Variants in LRRC3 observed in about 807,000 individuals in gnomAD.
The protein encoded by LRRC3 is leucine-rich repeat-containing protein 3.
For missense variants in LRRC3, 351 were observed against 361.6 expected (o/e 0.97, Z 0.24); for synonymous variants, 172 against 164.1 (o/e 1.05, Z -0.37).
intron 1 of LRRC3, 45 bp from the exon 2 acceptor site, chr21:44,456,453 C>T (rs1366432545): frequency 1.6e-6 from 1 of 634,478 alleles, no homozygotes; most frequent in Non-Finnish European, 2.7e-6. Context: ...GCAGTGCTGA[C>T]CACCCTCCCT....
At position 44,457,120 on chromosome 21, in the gene LRRC3, A is replaced by C. The variant is rs1158203515; in HGVS notation, c.476A>C (p.Glu159Ala). Reference protein sequence around the residue: ...CECALQEALWELKLDPDSVDE... With the variant: ...CECALQEALWALKLDPDSVDE... ...TGCGCCCTGCAGGAGGCCCTGTGGG[A>C]GCTGAAGCTGGACCCCGACTCTGTG... Residue 159 changes from glutamate (E) to alanine (A), a missense_variant, in exon 2 of 2, where the codon GAG becomes GCG. Glu to Ala is a moderately radical substitution (Grantham distance 107). Transcript: ENST00000291592. 6.2e-7 allele frequency: 1 copy of C among 1,612,264 alleles called. No homozygotes were observed. The highest frequency in any genetic ancestry group is 8.5e-7 in the Non-Finnish European group (1 of 1,180,016).
Position 44,457,275 on chromosome 21 carries a change from A to G in LRRC3, c.631A>G (p.Met211Val). Reference protein sequence around the residue: ...RTTDVAMLVTMFGWFAMVIAY... With the variant: ...RTTDVAMLVTVFGWFAMVIAY... ...CACAGACGTGGCCATGCTGGTCACC[A>G]TGTTCGGCTGGTTCGCCATGGTGAT... is the stretch of plus-strand genomic sequence containing the variant. Residue 211 changes from methionine (M) to valine (V), a missense_variant, in exon 2 of 2, where the codon ATG becomes GTG. Met to Val is a conservative substitution (Grantham distance 21). Transcript: ENST00000291592. The G allele has an allele frequency of 6.2e-7, 1 of 1,613,856 alleles. No homozygotes were observed. Among genetic ancestry groups the G allele is most frequent in the Non-Finnish European group, 8.5e-7 (1 of 1,180,012 alleles).
Position 44,457,692 on chromosome 21 carries a change from G to T in LRRC3, c.*274G>T. The T allele has an allele frequency of 2.1e-6, 1 of 478,320 alleles. No homozygotes were observed. The highest frequency in any genetic ancestry group is 3.8e-6 in the Non-Finnish European group (1 of 259,862). 29.6% of individuals were successfully genotyped at this position (478,320 alleles called of 1,614,324 possible). A position where few individuals can be genotyped will look rare whatever the true frequency, so the allele number is the denominator to read the frequency against. On this transcript the variant is annotated 3_prime_UTR_variant, in exon 2 of 2. Coordinates refer to ENST00000291592, the MANE Select transcript of LRRC3 (RefSeq NM_030891.6). ...AACTTCAACCCGGGCTGTCCATCGT[G>T]ACATTCCGCCTCCTTCCACCATGCC...
rs764999658 is a variant in LRRC3, at chr21:44,457,403, C to T, written c.759C>T (p.Ile253=). 77 of 1,587,716 alleles carry T rather than the reference C, an allele frequency of 4.8e-5. No homozygotes were observed. The highest frequency in any genetic ancestry group is 1.7e-4 in the Middle Eastern group (1 of 5,904). ...GCGCCCCCGCCTCCAAGGACCCCAT[C>T]GGCCCGGGGCCCTAGCGCCTGTTCC... The part of the protein sequence containing the change: ...LPSAPASKDP[I]GPGP Residue 253 remains isoleucine (I), a synonymous_variant, in exon 2 of 2, where the codon ATC becomes ATT. Transcript: ENST00000291592.
intron 1 of LRRC3, 58 bp from the exon 2 acceptor site, chr21:44,456,440 C>T: frequency 1.7e-6 from 1 of 590,886 alleles, no homozygotes; most frequent in Non-Finnish European, 3.0e-6. Flanking sequence ...GTGACCGCAG[C>T]CGGCAGTGCT....
In LRRC3 at chr21:44,456,596, C is replaced by T. The variant is rs555901265; in HGVS notation, c.-49C>T. 18 of 1,525,324 alleles carry T rather than the reference C, an allele frequency of 1.2e-5. No individual in the cohort carries two copies. The African/African-American group carries it at 1.8e-4, about 15-fold the overall frequency. 94.5% of individuals were successfully genotyped at this position (1,525,324 alleles called of 1,614,324 possible). Reference sequence around the variant, plus strand: ...TTGCCTGCGGAAACCAGCTCCATCCCCAGGCCCTAGCAGAGGCTCGCGTGT... The same window carrying T: ...TTGCCTGCGGAAACCAGCTCCATCCTCAGGCCCTAGCAGAGGCTCGCGTGT... On this transcript the variant is annotated 5_prime_UTR_variant, in exon 2 of 2. Coordinates refer to ENST00000291592, the MANE Select transcript of LRRC3 (RefSeq NM_030891.6).
rs761007262 is a variant in LRRC3, at chr21:44,456,757, G to A, written c.113G>A (p.Arg38Gln). The A allele has an allele frequency of 5.0e-6, 8 of 1,610,194 alleles. No individual in the cohort carries two copies. The highest frequency in any genetic ancestry group is 3.3e-5 in the South Asian group (3 of 91,076). ...HLGAACPQPCRCPDHAGAVAV... is the reference protein window; with the variant it reads ...HLGAACPQPCQCPDHAGAVAV... ...GGCGCCGCCTGCCCACAGCCCTGCC[G>A]GTGCCCTGACCACGCAGGGGCTGTG... Residue 38 changes from arginine to glutamine, a missense_variant, in exon 2 of 2, where the codon CGG becomes CAG. By Grantham distance (43) the Arg-to-Gln change is conservative (BLOSUM62 1). Coordinates refer to ENST00000291592, the MANE Select transcript of LRRC3 (RefSeq NM_030891.6).
Position 44,457,379 on chromosome 21 carries a change from C to T in LRRC3, c.735C>T (p.Ser245=), listed in dbSNP as rs181195002. 1.5e-5 allele frequency: 24 copies of T among 1,601,802 alleles called. No individual in the cohort carries two copies. Among genetic ancestry groups the T allele is most frequent in the African/African-American group, 6.7e-5 (5 of 74,892 alleles). ...RHLEYLKSLP[S]APASKDPIGP... is the part of the protein sequence containing the mutation. ...TGGAGTACCTGAAGTCTCTGCCCAG[C>T]GCCCCCGCCTCCAAGGACCCCATCG... The change falls in exon 2 of 2, where the codon AGC becomes AGT. Residue 245 remains serine (S), a synonymous_variant. Transcript: ENST00000291592.
rs781333881 is a variant in LRRC3 at position 44,456,707 on chromosome 21, C to T, written c.63C>T (p.Leu21=). The T allele has an allele frequency of 1.2e-6, 2 of 1,609,688 alleles. No homozygotes were observed. Among genetic ancestry groups the T allele is most frequent in the Admixed American group, 1.7e-5 (1 of 59,984 alleles). ...TGGTCTCCACCCGGGAGTCTTGTCT[C>T]TTCCTCCTCTTCTGCCTGCACCTGG... ...LLLVSTRESC[L]FLLFCLHLGA... Residue 21 remains leucine (L), a synonymous_variant, in exon 2 of 2, where the codon CTC becomes CTT. Transcript: ENST00000291592.
rs1601288578 is a variant in LRRC3, at chr21:44,456,897, C to T, written c.253C>T (p.Gln85Ter). 7 of 1,610,786 alleles carry T rather than the reference C, an allele frequency of 4.3e-6. No individual in the cohort carries two copies. In the East Asian group the frequency reaches 1.6e-4, roughly 36 times the overall value. The change falls in exon 2 of 2, where the codon CAG becomes TAG. Residue 85 changes from glutamine to a stop codon, truncating the protein, a stop_gained. Transcript: ENST00000291592. LOFTEE classifies it low-confidence loss of function (END_TRUNC). ...CTCCCACCTCCCGGACGGGGCCTTC[C>T]AGCACCTGCACCGGCTCAGGGAGCT... ...KISHLPDGAF[Q>*]HLHRLRELDL... is the part of the protein sequence containing the mutation.
chr21:44,456,211 T>A (rs1327483820), intron 1 of LRRC3, among the ~76,000 whole-genome samples: 1 of 152,084 alleles, frequency 6.6e-6, no homozygotes, highest in Non-Finnish European at 1.5e-5. Flanking sequence ...TCCCCAGCGG[T>A]GCTGTAGGTG....
Position 44,456,780 on chromosome 21 carries a change from G to T in LRRC3, c.136G>T (p.Val46Leu), listed in dbSNP as rs1185084339. ...CCGGTGCCCTGACCACGCAGGGGCT[G>T]TGGCTGTCTTCTGCAGCTTGCGGGG... Reference protein sequence around the residue: ...PCRCPDHAGAVAVFCSLRGLQ... With the variant: ...PCRCPDHAGALAVFCSLRGLQ... The change falls in exon 2 of 2, where the codon GTG (valine) becomes TTG (leucine). Residue 46 changes from valine (V) to leucine (L), a missense_variant. Val to Leu is a conservative substitution (Grantham distance 32). Transcript: ENST00000291592. 6.2e-7 allele frequency: 1 copy of T among 1,611,248 alleles called. No homozygotes were observed. The highest frequency in any genetic ancestry group is 2.2e-5 in the East Asian group (1 of 44,866).
Position 44,458,045 on chromosome 21 carries a change from G to A in LRRC3, c.*627G>A, listed in dbSNP as rs1296249129. 6.0e-6 allele frequency: 1 copy of A among 167,220 alleles called. No individual in the cohort carries two copies. Among genetic ancestry groups the A allele is most frequent in the Non-Finnish European group, 1.5e-5 (1 of 68,232 alleles). 10.4% of individuals were successfully genotyped at this position (167,220 alleles called of 1,614,324 possible). A position where few individuals can be genotyped will look rare whatever the true frequency, so the allele number is the denominator to read the frequency against. The stretch of plus-strand genomic sequence containing the variant: ...GTCCTACCCTTTTTTATTCTCAAAT[G>A]TTTGTTTTGAGTAACCGTAGTGCCA... On this transcript the variant is annotated 3_prime_UTR_variant, in exon 2 of 2. Transcript: ENST00000291592.
At chr21:44,456,161 G>A (rs1409548954) in intron 1 of LRRC3, among the ~76,000 whole-genome samples, 1 of 152,042 alleles carries the variant, frequency 6.6e-6, no homozygotes, top group South Asian at 2.1e-4. Context: ...GGAGGGGCTG[G>A]GTGGTCCAAG....
Position 44,456,945 on chromosome 21 carries a change from G to A in LRRC3, c.301G>A (p.Glu101Lys), listed in dbSNP as rs759205816. The A allele has an allele frequency of 1.8e-5, 29 of 1,609,252 alleles. No homozygotes were observed. The highest frequency in any genetic ancestry group is 1.6e-4 in the Middle Eastern group (1 of 6,080). The change falls in exon 2 of 2, where the codon GAG becomes AAG. Residue 101 changes from glutamate to lysine, a missense_variant. Physicochemically the swap from Glu to Lys is moderately conservative, Grantham distance 56. Transcript: ENST00000291592. Reference sequence around the variant, plus strand: ...GCTGGATCTGTCTCACAACGCCATCGAGGCCATCGGCTCCGCCACCTTCGC... The same window carrying A: ...GCTGGATCTGTCTCACAACGCCATCAAGGCCATCGGCTCCGCCACCTTCGC... ...RELDLSHNAI[E>K]AIGSATFAGL... is the part of the protein sequence containing the mutation.
rs750515290 is a variant in LRRC3 at position 44,457,091 on chromosome 21, C to T, written c.447C>T (p.Cys149=). 22 of 1,610,490 alleles carry T rather than the reference C, an allele frequency of 1.4e-5. No individual in the cohort carries two copies. The East Asian group carries it at 2.5e-4, about 18-fold the overall frequency. ...GCCTGTCCCACAACCCCCTGCACTG[C>T]GAGTGCGCCCTGCAGGAGGCCCTGT... ...KIRLSHNPLH[C]ECALQEALWE... The change falls in exon 2 of 2, where the codon TGC becomes TGT. Residue 149 remains cysteine, a synonymous_variant. Coordinates refer to ENST00000291592, the MANE Select transcript of LRRC3 (RefSeq NM_030891.6).
Position 44,455,860 on chromosome 21 carries a change from G to C in LRRC3, c.-148+205G>C, listed in dbSNP as rs561361617. Among the ~76,000 whole-genome samples the C allele has an allele frequency of 5.0e-3, 766 of 152,128 alleles. 6 individuals are homozygous for C. Among genetic ancestry groups the C allele is most frequent in the African/African-American group, 0.017 (722 of 41,540 alleles). On this transcript the variant is annotated intron_variant, in intron 1 of 1. Transcript: ENST00000291592. ...CGTCCACGCCCAGCGCGGGCCGCGC[G>C]CACAGGGCTTGGCTTCTCTGTTTTC...
Position 44,457,312 on chromosome 21 carries a change from T to C in LRRC3, c.668T>C (p.Val223Ala), listed in dbSNP as rs1002828057. The C allele has an allele frequency of 1.2e-6, 2 of 1,613,646 alleles. No individual in the cohort carries two copies. Among genetic ancestry groups the C allele is most frequent in the Non-Finnish European group, 8.5e-7 (1 of 1,179,938 alleles). Residue 223 changes from valine to alanine, a missense_variant, in exon 2 of 2, where the codon GTG (valine) becomes GCG (alanine). Coordinates refer to ENST00000291592, the MANE Select transcript of LRRC3 (RefSeq NM_030891.6). Reference protein sequence around the residue: ...GWFAMVIAYVVYYVRHNQEDA... With the variant: ...GWFAMVIAYVAYYVRHNQEDA... ...TTCGCCATGGTGATCGCCTACGTCG[T>C]GTACTATGTGCGCCACAACCAGGAG... is the stretch of plus-strand genomic sequence containing the variant.
chr21:44,457,664 TG>T lies in LRRC3; in HGVS notation c.*248del, dbSNP rs1427681816. 1 of 541,688 alleles carries T rather than the reference TG, an allele frequency of 1.8e-6. No homozygotes were observed. Among genetic ancestry groups the T allele is most frequent in the African/African-American group, 1.9e-5 (1 of 51,810 alleles). The allele number at this position is 541,688 out of a possible 1,614,324, so 33.6% of individuals were successfully genotyped here. On this transcript the variant is annotated 3_prime_UTR_variant, in exon 2 of 2. Coordinates refer to ENST00000291592, the MANE Select transcript of LRRC3 (RefSeq NM_030891.6). ...CGATACCATCAGGAAATTATCCCAG[TG>T]GAACTTCAACCCGGGCTGTCCATCG...
Sources: allele counts gnomAD v4.1 joint callset (sites outside exome capture counted in the v4.1 genomes callset), GRCh38; gene constraint gnomAD v4.1.1; transcripts MANE v1.5; gene names NCBI Gene and HGNC (gene_info 2026-07-23, HGNC 2026-07-21).